Variants in RBM25 observed in about 807,000 individuals in gnomAD.
RBM25 encodes the protein RNA binding motif protein 25.
In RBM25, 19 loss-of-function variants were observed where a neutral mutation model predicts 120.7. The ratio of observed to expected loss-of-function variants is 0.16; its 90% confidence interval spans 0.11 to 0.23. The LOEUF is 0.23. Ranked by LOEUF, RBM25 falls within the 10% of genes least tolerant of loss-of-function variation. The probability of loss-of-function intolerance (pLI) is 1.00; values close to 1 mark genes in which losing one functional copy is unlikely to be tolerated. For synonymous variants in RBM25, 390 were observed against 326.7 expected (o/e 1.19, Z -2.09); for missense variants, 605 against 1,041.5 (o/e 0.58, Z 5.77).
chr14:73,111,233 A>G (rs1004546947), intron 15 of RBM25, 78 bp downstream of exon 15: 11 of 1,242,942 alleles, frequency 8.8e-6, no homozygotes, highest in Middle Eastern at 2.0e-4. Context: ...TAAAGAAAAA[A>G]ATTTATATTT....
intron 13 of RBM25, 147 bp downstream of exon 13, chr14:73,108,046 C>T: frequency 1.5e-6 from 1 of 645,590 alleles, no homozygotes; most frequent in Non-Finnish European, 2.7e-6. Context: ...ATAGCTAATA[C>T]ACTGTTTTCG....
At chr14:73,093,753 C>T (rs1000367053) in intron 6 of RBM25, among the ~76,000 whole-genome samples, 5 of 151,772 alleles carry the variant, frequency 3.3e-5, no homozygotes, top group Admixed American at 1.3e-4. Context: ...GTGGTCCACC[C>T]GCCTCGGCCT....
chr14:73,110,985 C>G lies in RBM25; in HGVS notation c.1847C>G (p.Thr616Ser), dbSNP rs200223370. 1.2e-6 allele frequency: 2 copies of G among 1,613,826 alleles called. No individual in the cohort carries two copies. Among genetic ancestry groups the G allele is most frequent in the Non-Finnish European group, 1.7e-6 (2 of 1,179,872 alleles). The change falls in exon 15 of 19, where the codon ACT (threonine) becomes AGT (serine). Residue 616 changes from threonine (T) to serine (S), a missense_variant. Physicochemically the swap from Thr to Ser is moderately conservative, Grantham distance 58 (BLOSUM62 1). Around this residue, in one of 4 missense-constraint regions of RBM25, gnomAD observed 465 missense variants for 741.6 expected, o/e 0.63. Transcript: ENST00000261973. ...EPEQKPCLKPTLRPISSAPSV... is the reference protein window; with the variant it reads ...EPEQKPCLKPSLRPISSAPSV... Reference sequence around the variant, plus strand: ...GAGCAAAAGCCTTGTCTGAAACCTACTCTGAGGCCCATCAGCTCTGCTCCA... The same window carrying G: ...GAGCAAAAGCCTTGTCTGAAACCTAGTCTGAGGCCCATCAGCTCTGCTCCA...
At chr14:73,073,301 C>T (rs1283256813) in intron 2 of RBM25, among the ~76,000 whole-genome samples, 2 of 152,058 alleles carry the variant, frequency 1.3e-5, no homozygotes, top group South Asian at 2.1e-4. Context: ...CTTTGGGAAC[C>T]TTCTACCCTT....
chr14:73,099,820 A>G (rs1401952986), intron 9 of RBM25, 70 bp downstream of exon 9: 8 of 1,512,022 alleles, frequency 5.3e-6, no homozygotes, highest in Non-Finnish European at 7.0e-6. Context: ...AGAGACAAAA[A>G]AAATCAACCT....
chr14:73,072,847 A>G (rs1253653397), intron 2 of RBM25, among the ~76,000 whole-genome samples: 2 of 152,062 alleles, frequency 1.3e-5, no homozygotes, highest in African/African-American at 2.4e-5. Context: ...CTGACTTATG[A>G]TGGGTTGTTA....
chr14:73,099,133 C>G (rs1896010011), intron 7 of RBM25, among the ~76,000 whole-genome samples: 1 of 152,126 alleles, frequency 6.6e-6, no homozygotes, highest in Admixed American at 6.6e-5. Flanking sequence ...AGCCCTGCTA[C>G]TATGAGAGCA....
intron 8 of RBM25, 36 bp from the exon 9 acceptor site, chr14:73,099,631 C>A: frequency 1.3e-6 from 2 of 1,589,380 alleles, no homozygotes; most frequent in South Asian, 1.2e-5. Context: ...GTAGGGTGTT[C>A]TTTATTCATT....
At chr14:73,082,921 C>A (rs1400202039) in intron 4 of RBM25, among the ~76,000 whole-genome samples, 69 of 145,418 alleles carry the variant, frequency 4.7e-4, no homozygotes, top group African/African-American at 9.1e-4. Flanking sequence ...AAAAAAAAAA[C>A]AAAAAACAAT....
intron 1 of RBM25, among the ~76,000 whole-genome samples, chr14:73,059,826 A>G (rs181762167): frequency 2.6e-5 from 4 of 152,040 alleles, no homozygotes; most frequent in Admixed American, 2.6e-4. Flanking sequence ...TTTTTCTTTT[A>G]AGCTTTGGTT....
At position 73,112,149 on chromosome 14, in the gene RBM25, C is replaced by T; in HGVS notation, c.2293-3C>T. ...AATTCAGTAACCGTGGTTTGTTTTGCAGATACTGATGGAACGTCGAATTAG... is the reference window on the plus strand; with the variant it reads ...AATTCAGTAACCGTGGTTTGTTTTGTAGATACTGATGGAACGTCGAATTAG... On this transcript the variant is annotated splice_region_variant and splice_polypyrimidine_tract_variant and intron_variant, in intron 16 of 18. Coordinates refer to ENST00000261973, the MANE Select transcript of RBM25 (RefSeq NM_021239.3). The T allele has an allele frequency of 6.3e-7, 1 of 1,598,062 alleles. No individual in the cohort carries two copies. Among genetic ancestry groups the T allele is most frequent in the Non-Finnish European group, 8.5e-7 (1 of 1,174,992 alleles).
chr14:73,059,010 C>T (rs928064313), intron 1 of RBM25, among the ~76,000 whole-genome samples: 1 of 152,072 alleles, frequency 6.6e-6, no homozygotes, highest in Non-Finnish European at 1.5e-5. Context: ...TCGTCTCTGC[C>T]CCCCCTGGGC....
rs944477124 is a variant in RBM25, at chr14:73,100,173, T to C, written c.867+423T>C. On this transcript the variant is annotated intron_variant, in intron 9 of 18. Transcript: ENST00000261973. ...ATTTACATTTTATATTTGTATAGAT[T>C]TAAGTTGAGTGGGGGAGATTTTAAA... is the stretch of plus-strand genomic sequence containing the variant. 3 of 524,972 alleles carry C rather than the reference T, an allele frequency of 5.7e-6. No individual in the cohort carries two copies. The African/African-American group carries it at 5.8e-5, about 10-fold the overall frequency. The allele number at this position is 524,972 out of a possible 1,614,324, so 32.5% of individuals were successfully genotyped here. A position where few individuals can be genotyped will look rare whatever the true frequency, so the allele number is the denominator to read the frequency against.
intron 18 of RBM25, among the ~76,000 whole-genome samples, chr14:73,115,274 G>A (rs1289870134): frequency 1.3e-5 from 2 of 151,990 alleles, no homozygotes; most frequent in Non-Finnish European, 2.9e-5. Context: ...CATCACCCAG[G>A]TGTTAAGCCT....
chr14:73,075,273 C>T (rs1045371633), intron 2 of RBM25, among the ~76,000 whole-genome samples: 4 of 151,990 alleles, frequency 2.6e-5, no homozygotes, highest in Non-Finnish European at 4.4e-5. Context: ...GCAATTCTGC[C>T]TCAGCCTCCC....
chr14:73,068,071 C>T lies in RBM25; in HGVS notation c.-15-3556C>T, dbSNP rs545394530. 17 of 552,374 alleles carry T rather than the reference C, an allele frequency of 3.1e-5. No homozygotes were observed. The East Asian group carries it at 6.2e-4, about 20-fold the overall frequency. 34.2% of individuals were successfully genotyped at this position (552,374 alleles called of 1,614,324 possible). On this transcript the variant is annotated intron_variant, in intron 1 of 18. Transcript: ENST00000261973. ...ACACTGGTTTAGCGTGAGCAGTGAT[C>T]ACTAAGCACATGAGCTACGACCACC... is the stretch of plus-strand genomic sequence containing the variant.
At chr14:73,076,283 A>T in intron 2 of RBM25, 36 bp from the exon 3 acceptor site, 1 of 1,539,686 alleles carries the variant, frequency 6.5e-7, no homozygotes, top group Non-Finnish European at 9.0e-7. Context: ...TAGAGAATGC[A>T]GTCATGTAAA....
chr14:73,072,107 G>T (rs1214613044), intron 2 of RBM25, among the ~76,000 whole-genome samples: 1 of 152,046 alleles, frequency 6.6e-6, no homozygotes, highest in Non-Finnish European at 1.5e-5. Context: ...GAGTAGCTGG[G>T]ATTGCACGCA....
chr14:73,062,800 GAA>G (rs1895034466), intron 1 of RBM25, among the ~76,000 whole-genome samples: 2 of 151,234 alleles, frequency 1.3e-5, no homozygotes, highest in Admixed American at 6.6e-5. Flanking sequence ...TAGAGGTAGG[GAA>G]CCCTTCTATC....
Sources: allele counts gnomAD v4.1 joint callset (sites outside exome capture counted in the v4.1 genomes callset), GRCh38; gene constraint gnomAD v4.1.1; regional missense constraint gnomAD v4.1.1; transcripts MANE v1.5; gene names NCBI Gene and HGNC (gene_info 2026-07-23, HGNC 2026-07-21).